Variants in CFAP299 observed in about 807,000 individuals in gnomAD.
CFAP299 encodes cilia- and flagella-associated protein 299.
In CFAP299, 21 loss-of-function variants were observed where a neutral mutation model predicts 27.0. The observed-to-expected ratio is 0.78, with a 90% CI of 0.55 to 1.12. The LOEUF is 1.12. Among genes scored for constraint, CFAP299 ranks in the 50% most tolerant of loss-of-function variants. The probability of loss-of-function intolerance (pLI) is 0.00; values close to 1 mark genes in which losing one functional copy is unlikely to be tolerated. For synonymous variants in CFAP299, 104 were observed against 98.1 expected (o/e 1.06, Z -0.36); for missense variants, 310 against 276.6 (o/e 1.12, Z -0.86).
intron 3 of CFAP299, among the ~76,000 whole-genome samples, chr4:80,865,214 A>G (rs1732652640): frequency 6.6e-6 from 1 of 152,228 alleles, no homozygotes; most frequent in Admixed American, 6.5e-5. Flanking sequence ...TTAAAACTTC[A>G]CTCAGAATAT....
At chr4:80,478,749 C>T (rs1014371265) in intron 2 of CFAP299, among the ~76,000 whole-genome samples, 7 of 149,726 alleles carry the variant, frequency 4.7e-5, no homozygotes, top group African/African-American at 1.7e-4. Flanking sequence ...ATCTAAAATA[C>T]TTTGCTGTGA....
intron 2 of CFAP299, among the ~76,000 whole-genome samples, chr4:80,482,457 T>A (rs1310753841): frequency 6.6e-6 from 1 of 152,150 alleles, no homozygotes; most frequent in Non-Finnish European, 1.5e-5. Flanking sequence ...ATAAACTTGA[T>A]AAAATATCTT....
chr4:80,522,510 A>T (rs1732974097), intron 2 of CFAP299, among the ~76,000 whole-genome samples: 1 of 152,022 alleles, frequency 6.6e-6, no homozygotes, highest in African/African-American at 2.4e-5. Context: ...AATTTGATGT[A>T]TTCTCACTTG....
upstream of CFAP299, chr4:80,335,615 A>T (rs1478940348): frequency 3.0e-6 from 2 of 656,444 alleles, no homozygotes; most frequent in African/African-American, 3.6e-5. Context: ...GGAGTGAGGC[A>T]GAAGACAGAA....
At chr4:80,961,161 T>C (rs1185023787) in intron 5 of CFAP299, among the ~76,000 whole-genome samples, 1 of 151,700 alleles carries the variant, frequency 6.6e-6, no homozygotes, top group East Asian at 1.9e-4. Flanking sequence ...TTTAGTTGAA[T>C]ATAAATTTAT....
intron 2 of CFAP299, among the ~76,000 whole-genome samples, chr4:80,564,257 G>A (rs1207493396): frequency 6.6e-6 from 1 of 151,928 alleles, no homozygotes; most frequent in Non-Finnish European, 1.5e-5. Context: ...TATCTCTCAT[G>A]AATATTGATG....
At chr4:80,590,628 ACT>A (rs1431792197) in intron 3 of CFAP299, among the ~76,000 whole-genome samples, 4 of 151,974 alleles carry the variant, frequency 2.6e-5, no homozygotes, top group Non-Finnish European at 5.9e-5. Flanking sequence ...CAGAGTTGAG[ACT>A]CTGTCTCAGA....
chr4:80,885,905 G>T (rs1733946750), intron 4 of CFAP299, among the ~76,000 whole-genome samples: 1 of 152,144 alleles, frequency 6.6e-6, no homozygotes, highest in Non-Finnish European at 1.5e-5. Flanking sequence ...GGACCTTGGT[G>T]TCCCTGAGTC....
At chr4:80,809,376 A>G (rs532606622) in intron 3 of CFAP299, among the ~76,000 whole-genome samples, 1 of 152,182 alleles carries the variant, frequency 6.6e-6, no homozygotes, top group Admixed American at 6.6e-5. Context: ...TTAAGTAAGT[A>G]AATTTTCCAC....
intron 3 of CFAP299, among the ~76,000 whole-genome samples, chr4:80,717,150 AAT>A (rs1410064731): frequency 6.6e-6 from 1 of 152,150 alleles, no homozygotes; most frequent in African/African-American, 2.4e-5. Context: ...GTCAGGAAGA[AAT>A]ATAACCACAC....
At chr4:80,366,752 CAT>C (rs1442074225) in intron 2 of CFAP299, among the ~76,000 whole-genome samples, 3 of 152,156 alleles carry the variant, frequency 2.0e-5, no homozygotes, top group African/African-American at 7.2e-5. Flanking sequence ...CTTAAAAACT[CAT>C]ATACAAATGT....
intron 2 of CFAP299, among the ~76,000 whole-genome samples, chr4:80,520,959 A>G (rs1204533762): frequency 6.6e-6 from 1 of 152,196 alleles, no homozygotes; most frequent in Non-Finnish European, 1.5e-5. Context: ...GCACATTTAC[A>G]GAGTACATGG....
chr4:80,762,456 G>A (rs1725590456), intron 3 of CFAP299, among the ~76,000 whole-genome samples: 1 of 152,086 alleles, frequency 6.6e-6, no homozygotes, highest in African/African-American at 2.4e-5. Context: ...GGAACTAGAA[G>A]CCCATTAACT....
At chr4:80,893,421 C>T (rs1734445695) in intron 4 of CFAP299, among the ~76,000 whole-genome samples, 1 of 151,658 alleles carries the variant, frequency 6.6e-6, no homozygotes, top group Non-Finnish European at 1.5e-5. Flanking sequence ...CCCAAAGCAA[C>T]CTTGAGCAAG....
intron 3 of CFAP299, among the ~76,000 whole-genome samples, chr4:80,628,610 G>GT (rs1355864510): frequency 1.3e-5 from 2 of 151,972 alleles, no homozygotes; most frequent in African/African-American, 4.8e-5. Flanking sequence ...TCCAAAATAC[G>GT]TAAGAAATTC....
chr4:80,933,252 A>G (rs1736719050), intron 4 of CFAP299, among the ~76,000 whole-genome samples: 2 of 151,840 alleles, frequency 1.3e-5, no homozygotes, highest in South Asian at 4.2e-4. Context: ...CATATTACAC[A>G]TTAGATCACC....
intron 3 of CFAP299, among the ~76,000 whole-genome samples, chr4:80,690,571 C>A (rs868410939): frequency 2.2e-4 from 34 of 151,620 alleles, no homozygotes; most frequent in Admixed American, 3.3e-4. Context: ...TATAGCACTA[C>A]ATGCCCACAA....
In CFAP299 at chr4:80,649,448, A is replaced by G. The variant is rs138504302; in HGVS notation, c.333+66265A>G. On this transcript the variant is annotated intron_variant, in intron 3 of 5. Coordinates refer to ENST00000358105, the MANE Select transcript of CFAP299 (RefSeq NM_152770.3). ...GCTTTGTTTGAAGTGAGAAGATGCT[A>G]GAAGCAGAGACAGCAATACTGAAAG... Among the ~76,000 whole-genome samples, 867 of 152,294 alleles carry G rather than the reference A, an allele frequency of 5.7e-3. 7 individuals carry two copies. The highest frequency in any genetic ancestry group is 0.02 in the African/African-American group (812 of 41,568).
At chr4:80,356,108 GTT>G (rs36082083) in intron 1 of CFAP299, among the ~76,000 whole-genome samples, 17 of 148,734 alleles carry the variant, frequency 1.1e-4, no homozygotes, top group South Asian at 4.3e-4. Context: ...TTTCCCCATT[GTT>G]TTTTTTTTTG....
Sources: gnomAD v4.1 joint callset for allele counts (sites outside exome capture counted in the v4.1 genomes callset) on GRCh38, gnomAD v4.1.1 for gene constraint, MANE v1.5 for transcripts, NCBI Gene and HGNC (gene_info 2026-07-23, HGNC 2026-07-21) for gene names.